OPCML: variants seen among roughly 807,000 people sequenced by gnomAD.
OPCML encodes the protein opioid-binding protein/cell adhesion molecule.
Under a neutral mutation model 37.8 loss-of-function variants are expected in OPCML, and 13 were observed. That is an observed-to-expected ratio of 0.34 (90% CI 0.22 to 0.55). The LOEUF (loss-of-function observed/expected upper bound fraction) is 0.55. OPCML is among the 20% of genes least tolerant of loss of function. The pLI is 0.91. For missense variants in OPCML, 341 were observed against 435.6 expected, an observed-to-expected ratio of 0.78 and a Z score of 1.93; for synonymous variants, 176 against 168.8, an observed-to-expected ratio of 1.04 and a Z score of -0.33.
At chr11:133,140,528 T>G (rs201737258) in intron 1 of OPCML, among the ~76,000 whole-genome samples, 3,193 of 60,808 alleles carry the variant, frequency 0.053, 53 homozygotes, top group East Asian at 0.16. Flanking sequence ...ATAATAATAA[T>G]AATAAGAAGA....
intron 3 of OPCML, among the ~76,000 whole-genome samples, chr11:132,649,755 T>C (rs1941332764): frequency 6.6e-6 from 1 of 152,150 alleles, no homozygotes; most frequent in African/African-American, 2.4e-5. Context: ...CTTTATATAC[T>C]CGTATACATA....
chr11:133,462,056 G>A (rs973473317), intron 1 of OPCML, among the ~76,000 whole-genome samples: 1 of 151,876 alleles, frequency 6.6e-6, no homozygotes, highest in African/African-American at 2.4e-5. Context: ...TAAAAAGTTT[G>A]AGAAAACTAG....
rs533866691 is a variant in OPCML, at chr11:132,436,887, A to G, written c.644-108T>C. On this transcript the variant is annotated intron_variant, in intron 5 of 7. Coordinates refer to ENST00000524381, the MANE Select transcript of OPCML (RefSeq NM_001012393.5). ...ATCCAGCCATTTGCTATGTAAATGG[A>G]TTTCTTGTGACAACCCTCTTTCCCA... 2.9e-5 allele frequency: 43 copies of G among 1,486,066 alleles called. 1 individual carries two copies. In the South Asian group the frequency reaches 5.7e-4, roughly 20 times the overall value. The allele number at this position is 1,486,066 out of a possible 1,614,324, so 92.1% of individuals were successfully genotyped here.
chr11:132,585,594 G>A (rs60428579), intron 3 of OPCML, among the ~76,000 whole-genome samples: 38,214 of 151,962 alleles, frequency 0.25, 5,778 homozygotes, highest in East Asian at 0.65. Flanking sequence ...AATCAAGATC[G>A]GGCAATTGTC....
rs528115565 is a variant in OPCML, at chr11:132,860,440, A to T, written c.146+82486T>A. Reference sequence around the variant, plus strand: ...TTTTTAAGAAGGGTGTTCTTAAGTCATTATAGAGAGGGAAAATATGATAAC... The same window carrying T: ...TTTTTAAGAAGGGTGTTCTTAAGTCTTTATAGAGAGGGAAAATATGATAAC... On this transcript the variant is annotated intron_variant, in intron 2 of 7. Coordinates refer to ENST00000524381, the MANE Select transcript of OPCML (RefSeq NM_001012393.5). The T allele has an allele frequency of 1.5e-3, 221 of 152,320 alleles. 1 individual carries two copies. Among genetic ancestry groups the T allele is most frequent in the African/African-American group, 4.9e-3 (205 of 41,572 alleles). 9.4% of individuals were successfully genotyped at this position (152,320 alleles called of 1,614,324 possible).
At chr11:133,003,009 A>G (rs191573246) in intron 1 of OPCML, among the ~76,000 whole-genome samples, 1,735 of 152,336 alleles carry the variant, frequency 0.011, 16 homozygotes, top group Middle Eastern at 0.031. Context: ...GATATACCAC[A>G]AAATCTTAAG....
At chr11:133,034,815 T>A (rs1378819710) in intron 1 of OPCML, among the ~76,000 whole-genome samples, 1 of 151,476 alleles carries the variant, frequency 6.6e-6, no homozygotes, top group Non-Finnish European at 1.5e-5. Flanking sequence ...AGGAGTAGCC[T>A]CATGTGAACT....
At chr11:132,555,892 A>G (rs2096394427) in intron 3 of OPCML, among the ~76,000 whole-genome samples, 1 of 152,194 alleles carries the variant, frequency 6.6e-6, no homozygotes, top group Non-Finnish European at 1.5e-5. Flanking sequence ...AAGAGAGTAT[A>G]AAGAACTTCA....
chr11:133,423,171 G>A (rs1430006977), intron 1 of OPCML: 3 of 985,260 alleles, frequency 3.0e-6, no homozygotes, highest in African/African-American at 1.7e-5. Context: ...TTTACATCTT[G>A]AAGAATTTTA....
intron 4 of OPCML, among the ~76,000 whole-genome samples, chr11:132,485,382 T>C (rs1316503309): frequency 2.0e-5 from 3 of 152,182 alleles, no homozygotes; most frequent in Non-Finnish European, 4.4e-5. Context: ...TTTGTTTGTT[T>C]TGAGTTATAA....
chr11:133,240,416 C>A (rs777583711), intron 1 of OPCML, among the ~76,000 whole-genome samples: 1 of 152,068 alleles, frequency 6.6e-6, no homozygotes, highest in Non-Finnish European at 1.5e-5. Context: ...GATTACAAAT[C>A]CTTATCTATT....
At chr11:132,821,447 A>G (rs1367010566) in intron 2 of OPCML, among the ~76,000 whole-genome samples, 3 of 152,228 alleles carry the variant, frequency 2.0e-5, no homozygotes, top group Non-Finnish European at 4.4e-5. Context: ...TCCATGTGCC[A>G]GGCAAAGCAA....
At chr11:133,421,514 C>A (rs1345820504) in intron 1 of OPCML, 1 of 985,270 alleles carries the variant, frequency 1.0e-6, no homozygotes, top group Non-Finnish European at 1.2e-6. Context: ...TTTTCCTCTT[C>A]GGATTTGAAC....
At chr11:132,767,344 T>C (rs1946480197) in intron 2 of OPCML, among the ~76,000 whole-genome samples, 1 of 152,234 alleles carries the variant, frequency 6.6e-6, no homozygotes, top group Non-Finnish European at 1.5e-5. Context: ...AGCCTTATTT[T>C]ACACATGAGT....
intron 3 of OPCML, among the ~76,000 whole-genome samples, chr11:132,618,962 C>T (rs1161660436): frequency 1.6e-4 from 2 of 12,774 alleles, no homozygotes; most frequent in Non-Finnish European, 2.6e-4. Flanking sequence ...CATACACACA[C>T]ACACACACAC....
At chr11:133,482,543 G>T (rs984716571) in intron 1 of OPCML, among the ~76,000 whole-genome samples, 1 of 152,132 alleles carries the variant, frequency 6.6e-6, no homozygotes. Context: ...GCATGGCAGT[G>T]AGGGGTGAGT....
intron 2 of OPCML, among the ~76,000 whole-genome samples, chr11:132,788,123 C>T (rs1195023523): frequency 1.3e-5 from 2 of 152,140 alleles, no homozygotes; most frequent in African/African-American, 4.8e-5. Flanking sequence ...TCGTGAGTCA[C>T]CCACCTCGGC....
intron 4 of OPCML, among the ~76,000 whole-genome samples, chr11:132,513,031 T>C (rs1013770826): frequency 8.5e-5 from 13 of 152,260 alleles, no homozygotes; most frequent in African/African-American, 3.1e-4. Context: ...ACTGTCTGTT[T>C]AGCCATTCAT....
At chr11:132,796,747 T>G (rs1938346588) in intron 2 of OPCML, among the ~76,000 whole-genome samples, 1 of 151,934 alleles carries the variant, frequency 6.6e-6, no homozygotes, top group African/African-American at 2.4e-5. Flanking sequence ...CCGGCTAATT[T>G]TTTGTATTTT....
Sources: gnomAD v4.1 joint callset for allele counts (sites outside exome capture counted in the v4.1 genomes callset) on GRCh38, gnomAD v4.1.1 for gene constraint, MANE v1.5 for transcripts, NCBI Gene and HGNC (gene_info 2026-07-23, HGNC 2026-07-21) for gene names.